Variants in CA6 observed in about 807,000 individuals in gnomAD.
CA6 encodes carbonate dehydratase VI.
Under a neutral mutation model 35.9 loss-of-function variants are expected in CA6, and 28 were observed. That is an observed-to-expected ratio of 0.78 (90% confidence interval 0.58 to 1.07). The LOEUF (loss-of-function observed/expected upper bound fraction) is 1.07. Among genes scored for constraint, CA6 ranks in the 50% least tolerant of loss-of-function variants. The pLI is 0.00. For missense variants in CA6, 377 were observed against 382.0 expected, an observed-to-expected ratio of 0.99 and a Z score of 0.11; for synonymous variants, 148 against 152.6, an observed-to-expected ratio of 0.97 and a Z score of 0.22.
intron 1 of CA6, among the ~76,000 whole-genome samples, chr1:8,948,277 T>C (rs543739744): frequency 6.6e-6 from 1 of 152,276 alleles, no homozygotes; most frequent in African/African-American, 2.4e-5. Context: ...CAAGTCACCA[T>C]GATAATCACT....
intron 5 of CA6, among the ~76,000 whole-genome samples, chr1:8,964,223 T>G (rs1374614832): frequency 6.6e-6 from 1 of 152,208 alleles, no homozygotes; most frequent in Non-Finnish European, 1.5e-5. Flanking sequence ...TCCCTGGTCT[T>G]CTGCATCGTT....
chr1:8,973,746 T>TCCC (rs1640177695), intron 7 of CA6, among the ~76,000 whole-genome samples: 1 of 20,620 alleles, frequency 4.8e-5, no homozygotes, highest in African/African-American at 3.5e-4. Flanking sequence ...CTTTCTTTCT[T>TCCC]TCTTTCTTTC....
intron 7 of CA6, among the ~76,000 whole-genome samples, chr1:8,971,893 C>T (rs547555987): frequency 5.9e-5 from 9 of 152,322 alleles, no homozygotes; most frequent in Admixed American, 5.9e-4. Context: ...GTAAATATTT[C>T]ACAGCCTCCT....
At chr1:8,968,152 G>T (rs1310424597) in intron 6 of CA6, among the ~76,000 whole-genome samples, 1 of 151,910 alleles carries the variant, frequency 6.6e-6, no homozygotes, top group East Asian at 1.9e-4. Context: ...TTTTAGTAGG[G>T]ACAGGGTTTT....
At chr1:8,973,765 TTTC>T (rs1640185290) in intron 7 of CA6, among the ~76,000 whole-genome samples, 1 of 30,170 alleles carries the variant, frequency 3.3e-5, no homozygotes. Flanking sequence ...TCTTTCTTTC[TTTC>T]TTTCTTTCTT....
chr1:8,957,235 G>C lies in CA6; in HGVS notation c.358G>C (p.Glu120Gln), dbSNP rs1455023782. The C allele has an allele frequency of 4.3e-6, 7 of 1,614,188 alleles. No homozygotes were observed. In the South Asian group the frequency reaches 7.7e-5, roughly 18 times the overall value. The change falls in exon 3 of 8, where the codon GAG becomes CAG. Residue 120 changes from glutamate (E) to glutamine (Q), a missense_variant. Physicochemically the swap from Glu to Gln is conservative, Grantham distance 29 (BLOSUM62 2). Coordinates refer to ENST00000377443, the MANE Select transcript of CA6 (RefSeq NM_001215.4). ...CTTTCACTGGGGAGGTGCGTCCTCGGAGATCAGCGGCTCTGAGCACACCGT... is the reference window on the plus strand; with the variant it reads ...CTTTCACTGGGGAGGTGCGTCCTCGCAGATCAGCGGCTCTGAGCACACCGT... ...MHFHWGGASSEISGSEHTVDG... is the reference protein window; with the variant it reads ...MHFHWGGASSQISGSEHTVDG...
rs539013035 is a variant in CA6, at chr1:8,959,649, G to C, written c.501+647G>C. Among the ~76,000 whole-genome samples the C allele has an allele frequency of 1.6e-4, 24 of 152,022 alleles. No homozygotes were observed. In the South Asian group the frequency reaches 2.5e-3, roughly 16 times the overall value. ...CATTTCTAAGAAAGTCTAGATGGTG[G>C]GGCCGGGCGTGGTGGCTCACATCTG... On this transcript the variant is annotated intron_variant, in intron 4 of 7. Coordinates refer to ENST00000377443, the MANE Select transcript of CA6 (RefSeq NM_001215.4).
At chr1:8,961,008 A>T (rs1410601486) in intron 4 of CA6, among the ~76,000 whole-genome samples, 1 of 152,220 alleles carries the variant, frequency 6.6e-6, no homozygotes, top group Non-Finnish European at 1.5e-5. Flanking sequence ...GGGATTTATT[A>T]TATGTAGGGG....
chr1:8,973,047 C>CA (rs1304374407), intron 7 of CA6, among the ~76,000 whole-genome samples: 22 of 152,110 alleles, frequency 1.4e-4, no homozygotes, highest in African/African-American at 5.3e-4. Context: ...TGGAGTCTCT[C>CA]ACTCTGTCGC....
intron 2 of CA6, chr1:8,951,570 T>G: frequency 1.3e-6 from 1 of 765,172 alleles, no homozygotes; most frequent in South Asian, 1.3e-5. Flanking sequence ...TGGGCAACGC[T>G]TGCTGAGTGC....
intron 1 of CA6, among the ~76,000 whole-genome samples, chr1:8,946,814 T>G (rs913978981): frequency 6.7e-5 from 10 of 149,190 alleles, no homozygotes; most frequent in Admixed American, 3.3e-4. Flanking sequence ...TGTTTTTTTT[T>G]TTTTTTTGAG....
intron 2 of CA6, among the ~76,000 whole-genome samples, chr1:8,956,914 G>C (rs1018040321): frequency 2.6e-5 from 4 of 152,180 alleles, no homozygotes; most frequent in Admixed American, 2.0e-4. Flanking sequence ...TGCCCAGCCT[G>C]GTTTACTTAG....
intron 2 of CA6, among the ~76,000 whole-genome samples, chr1:8,951,084 C>T (rs768231934): frequency 6.9e-6 from 1 of 145,068 alleles, no homozygotes; most frequent in African/African-American, 2.6e-5. Flanking sequence ...GGCGTGGTGG[C>T]GCATGCCTGT....
intron 5 of CA6, 65 bp from the exon 6 acceptor site, chr1:8,967,594 G>A (rs1235748803): frequency 4.9e-6 from 7 of 1,430,192 alleles, no homozygotes. Flanking sequence ...GCCTGGGCCT[G>A]AGCTGTCCTC....
chr1:8,964,653 T>G (rs1414785434), intron 5 of CA6, among the ~76,000 whole-genome samples: 1 of 152,164 alleles, frequency 6.6e-6, no homozygotes, highest in Non-Finnish European at 1.5e-5. Flanking sequence ...TCTCCTGACC[T>G]TACCATTCCC....
rs569678345 is a variant in CA6, at chr1:8,949,402, C to T, written c.219C>T (p.Thr73=). 3.3e-5 allele frequency: 53 copies of T among 1,613,142 alleles called. No homozygotes were observed. Among genetic ancestry groups the T allele is most frequent in the Non-Finnish European group, 3.6e-5 (43 of 1,179,640 alleles). ...LKGLNMTGYE[T]QAGEFPMVNN... ...GGCTCAATATGACAGGCTATGAGAC[C>T]CAGGCAGGGGAGTTCCCCATGGTCA... The change falls in exon 2 of 8, where the codon ACC becomes ACT. Residue 73 remains threonine (T), a synonymous_variant. Coordinates refer to ENST00000377443, the MANE Select transcript of CA6 (RefSeq NM_001215.4).
rs1341990759 is a variant in CA6 at position 8,949,424 on chromosome 1, G to C, written c.241G>C (p.Val81Leu). Residue 81 changes from valine (V) to leucine (L), a missense_variant, in exon 2 of 8, where the codon GTC becomes CTC. By Grantham distance (32) the Val-to-Leu change is conservative. Coordinates refer to ENST00000377443, the MANE Select transcript of CA6 (RefSeq NM_001215.4). ...YETQAGEFPM[V>L]NNGHTVQISL... The stretch of plus-strand genomic sequence containing the variant: ...GACCCAGGCAGGGGAGTTCCCCATG[G>C]TCAACAATGGCCACACAGGTAAGAG... The C allele has an allele frequency of 6.2e-7, 1 of 1,612,918 alleles. No individual in the cohort carries two copies. Among genetic ancestry groups the C allele is most frequent in the South Asian group, 1.1e-5 (1 of 90,930 alleles).
rs143943561 is a variant in CA6 at position 8,966,983 on chromosome 1, T to TAAAA, written c.572-674_572-673insAAAA. Among the ~76,000 whole-genome samples, 785 of 119,792 alleles carry TAAAA rather than the reference T, an allele frequency of 6.6e-3. 8 individuals are homozygous for TAAAA. The highest frequency in any genetic ancestry group is 0.022 in the African/African-American group (743 of 33,118). 78.6% of individuals were successfully genotyped at this position (119,792 alleles called of 152,430 possible). A position where few individuals can be genotyped will look rare whatever the true frequency, so the allele number is the denominator to read the frequency against. ...ATTCTGCATTTATTATTTAAAAAAA[T>TAAAA]AATAAAAAAAACAACTTATTGTAGA... On this transcript the variant is annotated intron_variant, in intron 5 of 7. Transcript: ENST00000377443.
At chr1:8,950,378 G>A (rs1015964693) in intron 2 of CA6, among the ~76,000 whole-genome samples, 3 of 152,086 alleles carry the variant, frequency 2.0e-5, no homozygotes, top group African/African-American at 4.8e-5. Context: ...CACCCCAGGA[G>A]GGGGCATTTT....
Sources: allele counts gnomAD v4.1 joint callset (sites outside exome capture counted in the v4.1 genomes callset), GRCh38; gene constraint gnomAD v4.1.1; transcripts MANE v1.5; gene names NCBI Gene and HGNC (gene_info 2026-07-23, HGNC 2026-07-21).